The following CTNND2 variants were observed in gnomAD, a reference collection of about 807,000 sequenced individuals.
CTNND2 encodes catenin delta-2.
Under a neutral mutation model 144.4 loss-of-function variants are expected in CTNND2, and 22 were observed. That is an observed-to-expected ratio of 0.15 (90% CI 0.11 to 0.22). CTNND2 has a LOEUF of 0.22. Among genes scored for constraint, CTNND2 ranks in the 10% least tolerant of loss-of-function variants. The pLI is 1.00. For synonymous variants in CTNND2, 751 were observed against 695.6 expected (o/e 1.08, Z -1.25); for missense variants, 1,353 against 1,618.8 (o/e 0.84, Z 2.82).
At chr5:11,545,208 G>A (rs1775124993) in intron 3 of CTNND2, among the ~76,000 whole-genome samples, 1 of 151,248 alleles carries the variant, frequency 6.6e-6, no homozygotes, top group Non-Finnish European at 1.5e-5. Flanking sequence ...TGTAATCCCA[G>A]CTACTAGGAG....
chr5:11,661,945 G>T (rs1373211444), intron 2 of CTNND2, among the ~76,000 whole-genome samples: 1 of 150,716 alleles, frequency 6.6e-6, no homozygotes, highest in Non-Finnish European at 1.5e-5. Context: ...TCTGTATTAG[G>T]GTTCTCTAGA....
At chr5:11,390,032 C>A (rs897439585) in intron 6 of CTNND2, among the ~76,000 whole-genome samples, 1 of 152,222 alleles carries the variant, frequency 6.6e-6, no homozygotes, top group Non-Finnish European at 1.5e-5. Flanking sequence ...CCGCCAAAAT[C>A]TGAAATCCAA....
Position 11,646,455 on chromosome 5 carries a change from A to G in CTNND2, c.175-81399T>C, listed in dbSNP as rs998225686. On this transcript the variant is annotated intron_variant, in intron 2 of 21. Coordinates refer to ENST00000304623, the MANE Select transcript of CTNND2 (RefSeq NM_001332.4). ...CTTTCACAATAATAGACACGGAAAC[A>G]CACATTCTCAAGGATGTGCCAGTGT... Among the ~76,000 whole-genome samples the G allele has an allele frequency of 2.0e-4, 30 of 152,310 alleles. 1 individual carries two copies. The highest frequency in any genetic ancestry group is 7.0e-4 in the African/African-American group (29 of 41,574).
At chr5:11,878,383 A>G (rs943180704) in intron 1 of CTNND2, among the ~76,000 whole-genome samples, 5 of 152,302 alleles carry the variant, frequency 3.3e-5, no homozygotes, top group East Asian at 1.9e-4. Flanking sequence ...TGAGCTCCCA[A>G]GAGACAAGGT....
At chr5:11,574,577 C>T (rs1006224132) in intron 2 of CTNND2, among the ~76,000 whole-genome samples, 19 of 152,172 alleles carry the variant, frequency 1.2e-4, no homozygotes, top group African/African-American at 4.3e-4. Context: ...TTTAGTTTTC[C>T]TCGCCTGCCT....
At chr5:11,035,309 T>G (rs1266475936) in intron 16 of CTNND2, among the ~76,000 whole-genome samples, 1 of 152,198 alleles carries the variant, frequency 6.6e-6, no homozygotes, top group Non-Finnish European at 1.5e-5. Context: ...AGAATCATTT[T>G]CTTGCCTTTT....
intron 11 of CTNND2, among the ~76,000 whole-genome samples, chr5:11,193,889 C>T (rs921410113): frequency 1.6e-4 from 25 of 152,260 alleles, no homozygotes; most frequent in African/African-American, 5.3e-4. Flanking sequence ...ACTTGGCTGA[C>T]CTTAAAGAAG....
chr5:11,126,068 G>A (rs1472398687), intron 12 of CTNND2, among the ~76,000 whole-genome samples: 1 of 152,182 alleles, frequency 6.6e-6, no homozygotes, highest in Non-Finnish European at 1.5e-5. Context: ...TTGGGAGGCC[G>A]AGGCAGGCGG....
intron 1 of CTNND2, among the ~76,000 whole-genome samples, chr5:11,872,257 C>T (rs1051516431): frequency 1.1e-4 from 16 of 152,138 alleles, no homozygotes; most frequent in Admixed American, 5.2e-4. Flanking sequence ...TGTATACGTG[C>T]CACATTTTAT....
intron 1 of CTNND2, among the ~76,000 whole-genome samples, chr5:11,744,698 T>C (rs6883899): frequency 0.91 from 132,682 of 146,334 alleles, 60,251 homozygotes; most frequent in Non-Finnish European, 0.99. Context: ...TGTGTGTGCG[T>C]GTGTGTGTGT....
chr5:11,805,678 T>C (rs1304656173), intron 1 of CTNND2, among the ~76,000 whole-genome samples: 1 of 151,004 alleles, frequency 6.6e-6, no homozygotes. Context: ...TCCATGTGTC[T>C]ATACTAATAT....
chr5:11,578,810 A>G (rs1778176081), intron 2 of CTNND2, among the ~76,000 whole-genome samples: 1 of 152,236 alleles, frequency 6.6e-6, no homozygotes, highest in Non-Finnish European at 1.5e-5. Flanking sequence ...GGCAATACAG[A>G]GATAGCTGGC....
At chr5:11,595,217 G>A (rs1329154394) in intron 2 of CTNND2, among the ~76,000 whole-genome samples, 1 of 152,122 alleles carries the variant, frequency 6.6e-6, no homozygotes, top group African/African-American at 2.4e-5. Context: ...GAGGAAGGAA[G>A]TCAAACAAAC....
At chr5:11,222,632 C>T (rs1459731801) in intron 10 of CTNND2, among the ~76,000 whole-genome samples, 1 of 151,980 alleles carries the variant, frequency 6.6e-6, no homozygotes, top group South Asian at 2.1e-4. Context: ...ATAGGGAGAC[C>T]CTGTCTCTAC....
In CTNND2 at chr5:11,457,682, G is replaced by T. The variant is rs533986276; in HGVS notation, c.288-45613C>A. ...TGTGCTGGATTATTCTCCAAAGGCA[G>T]GCATTTTTGGCCATCTCTCTATCCA... is the stretch of plus-strand genomic sequence containing the variant. On this transcript the variant is annotated intron_variant, in intron 3 of 21. Coordinates refer to ENST00000304623, the MANE Select transcript of CTNND2 (RefSeq NM_001332.4). 6.2e-4 allele frequency among the ~76,000 whole-genome samples: 95 copies of T among 152,310 alleles called. 1 individual carries two copies. The highest frequency in any genetic ancestry group is 2.1e-3 in the African/African-American group (89 of 41,576).
chr5:11,863,849 T>C (rs1313246308), intron 1 of CTNND2, among the ~76,000 whole-genome samples: 3 of 152,232 alleles, frequency 2.0e-5, no homozygotes, highest in African/African-American at 4.8e-5. Context: ...CACCTCCAAA[T>C]TCTACAATTA....
chr5:11,626,065 G>A (rs1781135133), intron 2 of CTNND2, among the ~76,000 whole-genome samples: 1 of 152,036 alleles, frequency 6.6e-6, no homozygotes, highest in African/African-American at 2.4e-5. Context: ...TAAAATAGTA[G>A]GTGTCTCAGA....
chr5:11,838,270 T>C (rs1794281582), intron 1 of CTNND2, among the ~76,000 whole-genome samples: 1 of 152,200 alleles, frequency 6.6e-6, no homozygotes, highest in Non-Finnish European at 1.5e-5. Context: ...TCTTTACGCC[T>C]TGTGGAGTTC....
At chr5:11,799,968 G>A (rs1791592318) in intron 1 of CTNND2, among the ~76,000 whole-genome samples, 2 of 152,106 alleles carry the variant, frequency 1.3e-5, no homozygotes, top group Non-Finnish European at 1.5e-5. Flanking sequence ...GACTAGGGTG[G>A]TAAAGTTTGA....
Sources: allele counts gnomAD v4.1 joint callset (sites outside exome capture counted in the v4.1 genomes callset), GRCh38; gene constraint gnomAD v4.1.1; transcripts MANE v1.5; gene names NCBI Gene and HGNC (gene_info 2026-07-23, HGNC 2026-07-21).